The following THUMPD2 variants were observed in gnomAD, a reference collection of about 807,000 sequenced individuals.
The protein encoded by THUMPD2 is THUMP domain 2 tRNA and snRNA guanosine methyltransferase, also known as U6 snRNA (guanine-N(2))-methyltransferase THUMPD2.
In THUMPD2, 56 loss-of-function variants were observed where a neutral mutation model predicts 49.4. The observed-to-expected ratio is 1.13, with a 90% CI of 0.91 to 1.41. The LOEUF (loss-of-function observed/expected upper bound fraction) is 1.41. THUMPD2 is among the 40% of genes most tolerant of loss of function. The probability of loss-of-function intolerance (pLI) is 0.00; values close to 1 mark genes in which losing one functional copy is unlikely to be tolerated. For synonymous variants in THUMPD2, 237 were observed against 205.2 expected (o/e 1.15, Z -1.32); for missense variants, 709 against 594.5 (o/e 1.19, Z -2.00).
chr2:39,762,917 G>A (rs1414968682), intron 5 of THUMPD2, among the ~76,000 whole-genome samples: 5 of 151,828 alleles, frequency 3.3e-5, no homozygotes, highest in Admixed American at 1.3e-4. Flanking sequence ...GCTAATAGAA[G>A]TTTTTGTGGG....
At chr2:39,778,984 G>A (rs537196080) in intron 1 of THUMPD2, 130 bp downstream of exon 1, 2 of 1,214,866 alleles carry the variant, frequency 1.6e-6, no homozygotes, top group Non-Finnish European at 2.1e-6. Context: ...AGTCAACCTC[G>A]GGGGTCGGCG....
At chr2:39,746,305 T>C (rs1325767643) in intron 8 of THUMPD2, among the ~76,000 whole-genome samples, 1 of 152,172 alleles carries the variant, frequency 6.6e-6, no homozygotes, top group African/African-American at 2.4e-5. Context: ...CCTCTAGCAG[T>C]GGTTCTCAAA....
At chr2:39,751,165 C>T (rs376509505) in intron 8 of THUMPD2, among the ~76,000 whole-genome samples, 5 of 152,364 alleles carry the variant, frequency 3.3e-5, no homozygotes, top group East Asian at 1.9e-4. Context: ...TTGCAGAATA[C>T]GGCGTGGGCC....
intron 1 of THUMPD2, among the ~76,000 whole-genome samples, chr2:39,778,301 C>G (rs551494927): frequency 1.3e-5 from 2 of 152,334 alleles, no homozygotes; most frequent in South Asian, 4.1e-4. Flanking sequence ...TGACCCAAAA[C>G]ACAAGTGGCA....
intron 4 of THUMPD2, 38 bp from the exon 5 acceptor site, chr2:39,766,147 A>C: frequency 7.0e-7 from 1 of 1,425,548 alleles, no homozygotes; most frequent in South Asian, 1.3e-5. Context: ...TGGAACAAGA[A>C]ACTTCATTAC....
intron 4 of THUMPD2, among the ~76,000 whole-genome samples, chr2:39,767,649 T>G (rs1677729467): frequency 7.0e-6 from 1 of 142,676 alleles, no homozygotes; most frequent in South Asian, 2.2e-4. Context: ...GATAAGAGAA[T>G]GATACTCGTA....
rs368395353 is a variant in THUMPD2 at position 39,747,780 on chromosome 2, G to A, written c.1079-3302C>T. On this transcript the variant is annotated intron_variant, in intron 8 of 9. Coordinates refer to ENST00000505747, the MANE Select transcript of THUMPD2 (RefSeq NM_025264.5). ...AAAGGGTAAATATTTCAGCCTTCCA[G>A]TTCACAGTCCCTCCATTGACAGTGC... Among the ~76,000 whole-genome samples the A allele has an allele frequency of 2.6e-5, 4 of 152,142 alleles. No homozygotes were observed. The South Asian group carries it at 6.2e-4, about 24-fold the overall frequency.
chr2:39,765,527 C>T (rs919124336), intron 5 of THUMPD2, among the ~76,000 whole-genome samples: 5 of 151,832 alleles, frequency 3.3e-5, no homozygotes, highest in Non-Finnish European at 5.9e-5. Context: ...AAATTAACTA[C>T]TTTATAAATT....
intron 4 of THUMPD2, 50 bp downstream of exon 4, chr2:39,768,374 C>A: frequency 6.9e-7 from 1 of 1,443,118 alleles, no homozygotes; most frequent in South Asian, 1.2e-5. Context: ...AGGACACTGT[C>A]TTTAAAGAAT....
Position 39,771,605 on chromosome 2 carries a change from G to A in THUMPD2, c.162C>T (p.Thr54=), listed in dbSNP as rs1279463282. The change falls in exon 2 of 10, where the codon ACC becomes ACT. Residue 54 remains threonine, a synonymous_variant. Coordinates refer to ENST00000505747, the MANE Select transcript of THUMPD2 (RefSeq NM_025264.5). ...TCTTCAACATATTCAAATCAGAACA[G>A]GTGGTGAAAAAAACCTTTCCTGAAA... ...EYISGKVFFT[T]CSDLNMLKKL... 1 of 1,604,062 alleles carries A rather than the reference G, an allele frequency of 6.2e-7. No homozygotes were observed. The highest frequency in any genetic ancestry group is 1.7e-5 in the Admixed American group (1 of 57,704).
rs1676047963 is a variant in THUMPD2, at chr2:39,755,889, T to A, written c.963A>T (p.Pro321=). ...TGCTTTACCAAACTTTAGAACTTAC[T>A]GGCCATTCTTTAGCAGCTTCCAAAA... ...TILLEAAKEW[P]DVYYVGADVS... The change falls in exon 7 of 10, where the codon CCA becomes CCT. Residue 321 remains proline, a splice_region_variant and synonymous_variant. Coordinates refer to ENST00000505747, the MANE Select transcript of THUMPD2 (RefSeq NM_025264.5). 1.2e-6 allele frequency: 2 copies of A among 1,613,570 alleles called. No individual in the cohort carries two copies.
chr2:39,747,009 G>C (rs1171432552), intron 8 of THUMPD2, among the ~76,000 whole-genome samples: 3 of 152,020 alleles, frequency 2.0e-5, no homozygotes, highest in Admixed American at 1.3e-4. Context: ...ATTTTGCCTT[G>C]ATTTTCTCCA....
At chr2:39,769,201 T>C in intron 3 of THUMPD2, 1 of 800,230 alleles carries the variant, frequency 1.2e-6, no homozygotes, top group Non-Finnish European at 1.7e-6. Context: ...TCTGTAGATT[T>C]AAGGAAATTT....
Position 39,770,133 on chromosome 2 carries a change from A to G in THUMPD2, c.263-14T>C. ...TAAATATTTTTCCTAAATAAGAAAA[A>G]TCTTGTTGATCCTCTATTGAAGCTT... On this transcript the variant is annotated splice_polypyrimidine_tract_variant and intron_variant, in intron 2 of 9. Transcript: ENST00000505747. 1 of 1,449,460 alleles carries G rather than the reference A, an allele frequency of 6.9e-7. No individual in the cohort carries two copies. The highest frequency in any genetic ancestry group is 1.5e-5 in the African/African-American group (1 of 68,546). 89.8% of individuals were successfully genotyped at this position (1,449,460 alleles called of 1,614,324 possible). A position where few individuals can be genotyped will look rare whatever the true frequency, so the allele number is the denominator to read the frequency against.
intron 3 of THUMPD2, chr2:39,769,044 C>G (rs748322099): frequency 7.7e-7 from 1 of 1,304,608 alleles, no homozygotes; most frequent in Admixed American, 2.3e-5. Context: ...TTGCTGAGAC[C>G]TCATGTGCAT....
chr2:39,756,570 G>A (rs908566883), intron 6 of THUMPD2, among the ~76,000 whole-genome samples: 2 of 152,112 alleles, frequency 1.3e-5, no homozygotes, highest in African/African-American at 2.4e-5. Context: ...TAAGGAACAC[G>A]GGTCTGGTCA....
rs957408798 is a variant in THUMPD2, at chr2:39,748,212, G to C, written c.1079-3734C>G. ...TCTGAATAAAATGCCATCAAAATTAGGCAACTTTTTTTTGGTAAAGTTTAT... is the reference window on the plus strand; with the variant it reads ...TCTGAATAAAATGCCATCAAAATTACGCAACTTTTTTTTGGTAAAGTTTAT... On this transcript the variant is annotated intron_variant, in intron 8 of 9. Transcript: ENST00000505747. 3.7e-4 allele frequency among the ~76,000 whole-genome samples: 56 copies of C among 152,092 alleles called. 1 individual carries two copies. The highest frequency in any genetic ancestry group is 1.2e-3 in the African/African-American group (48 of 41,420).
rs567684520 is a variant in THUMPD2, at chr2:39,736,624, G to A, written c.*111C>T. 48 of 929,302 alleles carry A rather than the reference G, an allele frequency of 5.2e-5. No individual in the cohort carries two copies. In the African/African-American group the frequency reaches 6.5e-4, roughly 13 times the overall value. 57.6% of individuals were successfully genotyped at this position (929,302 alleles called of 1,614,324 possible). A position where few individuals can be genotyped will look rare whatever the true frequency, so the allele number is the denominator to read the frequency against. On this transcript the variant is annotated 3_prime_UTR_variant, in exon 10 of 10. Coordinates refer to ENST00000505747, the MANE Select transcript of THUMPD2 (RefSeq NM_025264.5). ...TCAGCCACACCTCCTGTCTTTGGGG[G>A]AATTTGGTTACTTGGAGCTCTGTGG...
intron 3 of THUMPD2, 22 bp downstream of exon 3, chr2:39,769,688 C>T: frequency 1.3e-6 from 2 of 1,485,460 alleles, no homozygotes; most frequent in Non-Finnish European, 1.8e-6. Context: ...GCGACAGACT[C>T]CACTTTAGGA....
Sources: allele counts gnomAD v4.1 joint callset (sites outside exome capture counted in the v4.1 genomes callset), GRCh38; gene constraint gnomAD v4.1.1; transcripts MANE v1.5; gene names NCBI Gene and HGNC (gene_info 2026-07-23, HGNC 2026-07-21).